Variants in PACRG observed in about 807,000 individuals in gnomAD.
The protein encoded by PACRG is parkin coregulated.
In PACRG, 29 loss-of-function variants were observed where a neutral mutation model predicts 29.7. The ratio of observed to expected loss-of-function variants is 0.98; its 90% confidence interval spans 0.73 to 1.33. PACRG has a LOEUF of 1.33. Ranked by LOEUF, PACRG falls within the 40% of genes most tolerant of loss-of-function variation. The probability of loss-of-function intolerance (pLI) is 0.00; values close to 1 mark genes in which losing one functional copy is unlikely to be tolerated. For synonymous variants in PACRG, 116 were observed against 118.7 expected, an observed-to-expected ratio of 0.98 and a Z score of 0.15; for missense variants, 279 against 316.2, an observed-to-expected ratio of 0.88 and a Z score of 0.89.
chr6:163,023,386 T>A (rs1806826687), intron 2 of PACRG, among the ~76,000 whole-genome samples: 2 of 152,228 alleles, frequency 1.3e-5, no homozygotes, highest in African/African-American at 4.8e-5. Context: ...CTATTTACGT[T>A]GCTGCAAAGG....
At chr6:162,845,985 G>A (rs184466036) in intron 2 of PACRG, among the ~76,000 whole-genome samples, 1 of 152,288 alleles carries the variant, frequency 6.6e-6, no homozygotes, top group East Asian at 1.9e-4. Context: ...TGCAGGAAAA[G>A]TAGGAGGGTA....
intron 1 of PACRG, among the ~76,000 whole-genome samples, chr6:162,738,203 G>A (rs989288248): frequency 1.3e-5 from 2 of 152,038 alleles, no homozygotes; most frequent in Non-Finnish European, 2.9e-5. Context: ...ATATGTATTC[G>A]TATATCCTAT....
chr6:163,296,933 A>AC (rs143221545), intron 4 of PACRG, among the ~76,000 whole-genome samples: 2,190 of 152,362 alleles, frequency 0.014, 55 homozygotes, highest in African/African-American at 0.049. Context: ...TAAAAGAAAT[A>AC]CCAGATAATT....
chr6:162,865,326 G>A (rs1792206063), intron 2 of PACRG, among the ~76,000 whole-genome samples: 1 of 152,152 alleles, frequency 6.6e-6, no homozygotes, highest in Admixed American at 6.5e-5. Flanking sequence ...TTGAGAAAAT[G>A]ATATAGTTCC....
chr6:162,987,444 A>T (rs1802999589), intron 2 of PACRG, among the ~76,000 whole-genome samples: 1 of 152,170 alleles, frequency 6.6e-6, no homozygotes, highest in African/African-American at 2.4e-5. Context: ...CATAATCTCC[A>T]CATGTCATGG....
At chr6:163,103,707 C>G (rs1223693354) in intron 4 of PACRG, among the ~76,000 whole-genome samples, 1 of 152,168 alleles carries the variant, frequency 6.6e-6, no homozygotes, top group Non-Finnish European at 1.5e-5. Context: ...ATGAAGTCAT[C>G]AAAAAATTGA....
At chr6:163,304,893 T>C (rs1263464784) in intron 4 of PACRG, among the ~76,000 whole-genome samples, 3 of 152,186 alleles carry the variant, frequency 2.0e-5, no homozygotes, top group East Asian at 1.9e-4. Flanking sequence ...ACACTGATTA[T>C]TAACCAGAAA....
chr6:163,077,090 A>G (rs1812616221), intron 3 of PACRG, among the ~76,000 whole-genome samples: 2 of 152,210 alleles, frequency 1.3e-5, no homozygotes, highest in South Asian at 2.1e-4. Context: ...CCACTGTACT[A>G]TATATTCTAT....
Position 163,038,299 on chromosome 6 carries a change from G to A in PACRG, c.292-23851G>A, listed in dbSNP as rs575292426. ...GGAGAAGTACTCCAGGCATACAGAA[G>A]AGCAGGACACATCTAGCAAATATTT... is the stretch of plus-strand genomic sequence containing the variant. On this transcript the variant is annotated intron_variant, in intron 2 of 4. Coordinates refer to ENST00000366888, the MANE Select transcript of PACRG (RefSeq NM_001080379.2). Among the ~76,000 whole-genome samples, 237 of 152,314 alleles carry A rather than the reference G, an allele frequency of 1.6e-3. 1 individual carries two copies. The highest frequency in any genetic ancestry group is 5.6e-3 in the African/African-American group (233 of 41,580).
chr6:163,087,578 A>T (rs1813697742), intron 3 of PACRG, among the ~76,000 whole-genome samples: 1 of 148,696 alleles, frequency 6.7e-6, no homozygotes, highest in Admixed American at 6.7e-5. Context: ...GAGGATGGAG[A>T]CCAGGACCAG....
chr6:162,755,741 C>T (rs1464055540), intron 1 of PACRG, among the ~76,000 whole-genome samples: 1 of 152,150 alleles, frequency 6.6e-6, no homozygotes, highest in Non-Finnish European at 1.5e-5. Flanking sequence ...CTAGCCCTTT[C>T]TTCTTTTTTT....
intron 4 of PACRG, among the ~76,000 whole-genome samples, chr6:163,134,958 C>A (rs1816869865): frequency 6.6e-6 from 1 of 152,170 alleles, no homozygotes; most frequent in African/African-American, 2.4e-5. Context: ...TTGACCTCTC[C>A]TCCCTACTCT....
chr6:163,231,008 TCAGGCACAACTAA>T (rs1782020697), intron 4 of PACRG, among the ~76,000 whole-genome samples: 1 of 152,202 alleles, frequency 6.6e-6, no homozygotes, highest in African/African-American at 2.4e-5. Flanking sequence ...GCCACAATCT[TCAGGCACAACTAA>T]GAAGATCCCT....
chr6:162,997,351 T>C (rs1236170928), intron 2 of PACRG: 1 of 438,928 alleles, frequency 2.3e-6, no homozygotes, highest in African/African-American at 2.0e-5. Context: ...GTTTATTTGC[T>C]TATATTAGTC....
intron 3 of PACRG, among the ~76,000 whole-genome samples, chr6:163,069,365 A>G (rs1301351626): frequency 6.6e-6 from 1 of 152,108 alleles, no homozygotes; most frequent in Non-Finnish European, 1.5e-5. Flanking sequence ...TCAGACAAGG[A>G]ATTCAAAATA....
chr6:162,959,090 T>A (rs1800393565), intron 2 of PACRG, among the ~76,000 whole-genome samples: 1 of 150,902 alleles, frequency 6.6e-6, no homozygotes, highest in South Asian at 2.1e-4. Flanking sequence ...ACTTTTTTTT[T>A]TTTTTGTAGT....
At chr6:163,032,744 A>G (rs1386438158) in intron 2 of PACRG, among the ~76,000 whole-genome samples, 1 of 152,236 alleles carries the variant, frequency 6.6e-6, no homozygotes, top group African/African-American at 2.4e-5. Context: ...CTGTTGCATT[A>G]GTGCATTATT....
intron 4 of PACRG, among the ~76,000 whole-genome samples, chr6:163,202,339 GAAAT>G (rs938143356): frequency 1.3e-5 from 2 of 151,616 alleles, no homozygotes; most frequent in African/African-American, 4.9e-5. Context: ...TTGCTGCTAT[GAAAT>G]AAATATATAT....
intron 2 of PACRG, among the ~76,000 whole-genome samples, chr6:162,929,098 A>G (rs1201810746): frequency 1.3e-5 from 2 of 151,930 alleles, no homozygotes; most frequent in African/African-American, 4.8e-5. Context: ...ATATCTCTTT[A>G]ATATATTGAT....
Sources: gnomAD v4.1 joint callset for allele counts (sites outside exome capture counted in the v4.1 genomes callset) on GRCh38, gnomAD v4.1.1 for gene constraint, MANE v1.5 for transcripts, NCBI Gene and HGNC (gene_info 2026-07-23, HGNC 2026-07-21) for gene names.